Variants in ASAP1 observed in about 807,000 individuals in gnomAD.
ASAP1 encodes the protein arf-GAP with SH3 domain, ANK repeat and PH domain-containing protein 1.
ASAP1 carries 43 observed loss-of-function variants against 145.2 expected under a neutral mutation model. That is an observed-to-expected ratio of 0.30 (90% confidence interval 0.23 to 0.38). ASAP1 has a LOEUF of 0.38. Ranked by LOEUF, ASAP1 falls within the 10% of genes least tolerant of loss-of-function variation. ASAP1 has a pLI of 1.00. For synonymous variants in ASAP1, 546 were observed against 515.5 expected (o/e 1.06, Z -0.80); for missense variants, 1,018 against 1,355.3 (o/e 0.75, Z 3.91).
rs61591724 is a variant in ASAP1, at chr8:130,097,126, C to CAAAAA, written c.2402-4988_2402-4984dup. 5.3e-3 allele frequency among the ~76,000 whole-genome samples: 284 copies of CAAAAA among 53,550 alleles called. 27 individuals carry two copies. Among genetic ancestry groups the CAAAAA allele is most frequent in the South Asian group, 0.014 (15 of 1,070 alleles). The allele number at this position is 53,550 out of a possible 152,430, so 35.1% of individuals were successfully genotyped here. A position where few individuals can be genotyped will look rare whatever the true frequency, so the allele number is the denominator to read the frequency against. On this transcript the variant is annotated intron_variant, in intron 24 of 29. Coordinates refer to ENST00000518721, the MANE Select transcript of ASAP1 (RefSeq NM_018482.4). The stretch of plus-strand genomic sequence containing the variant: ...AGGAGACAGAGTGACAGTTAGTCTC[C>CAAAAA]AAAAAAAAAAAAAAAAAAAAAAAAA...
At chr8:130,398,571 C>G (rs1461503762) in intron 2 of ASAP1, among the ~76,000 whole-genome samples, 2 of 152,070 alleles carry the variant, frequency 1.3e-5, no homozygotes, top group East Asian at 3.8e-4. Context: ...GTAGTCATAT[C>G]AGAAGTGGCA....
chr8:130,330,729 G>C (rs1351877988), intron 3 of ASAP1, among the ~76,000 whole-genome samples: 1 of 152,304 alleles, frequency 6.6e-6, no homozygotes, highest in South Asian at 2.1e-4. Flanking sequence ...ATCTCTATGG[G>C]GAAAGGGACA....
intron 3 of ASAP1, among the ~76,000 whole-genome samples, chr8:130,252,358 AT>A (rs1275188119): frequency 6.6e-6 from 1 of 152,120 alleles, no homozygotes; most frequent in African/African-American, 2.4e-5. Context: ...AATTAAGAAA[AT>A]TTTTTCTTTT....
At chr8:130,384,767 AC>A (rs1462868692) in intron 2 of ASAP1, among the ~76,000 whole-genome samples, 1 of 152,108 alleles carries the variant, frequency 6.6e-6, no homozygotes, top group Non-Finnish European at 1.5e-5. Context: ...TGGGCAAGTT[AC>A]CCTGTCACAC....
intron 27 of ASAP1, among the ~76,000 whole-genome samples, chr8:130,072,824 T>TGTGCGTGCGCGC: frequency 3.1e-5 from 1 of 32,282 alleles, no homozygotes; most frequent in Non-Finnish European, 5.7e-5. Context: ...TGTGTGTGTG[T>TGTGCGTGCGCGC]GCGCGCGGGG....
In ASAP1 at chr8:130,358,948, G is replaced by A. The variant is rs2138165664; in HGVS notation, c.60-805C>T. Reference sequence around the variant, plus strand: ...GTTGTACGTGTTCTTTTTTAGTCGCGTGTGGGTGCAGGAAGTGAGGCCCCG... The same window carrying A: ...GTTGTACGTGTTCTTTTTTAGTCGCATGTGGGTGCAGGAAGTGAGGCCCCG... On this transcript the variant is annotated intron_variant, in intron 2 of 29. Transcript: ENST00000518721. This position sits in a 1 kb window ranked among gnomAD's most constrained non-coding sequence, Gnocchi z 4.1. Among the ~76,000 whole-genome samples, 1 of 152,190 alleles carries A rather than the reference G, an allele frequency of 6.6e-6. No homozygotes were observed. Among genetic ancestry groups the A allele is most frequent in the Middle Eastern group, 3.4e-3 (1 of 292 alleles).
intron 3 of ASAP1, among the ~76,000 whole-genome samples, chr8:130,353,095 T>C (rs779381425): frequency 1.5e-4 from 23 of 152,234 alleles, no homozygotes; most frequent in Non-Finnish European, 2.2e-4. Flanking sequence ...CTAGGATGAA[T>C]GTTCTATACT....
chr8:130,191,938 C>T (rs1266628497), intron 5 of ASAP1, among the ~76,000 whole-genome samples: 4 of 152,138 alleles, frequency 2.6e-5, no homozygotes, highest in African/African-American at 4.8e-5. Context: ...TTGAAATTCT[C>T]AGTCATTCTA....
At chr8:130,185,417 T>C (rs1386736857) in intron 7 of ASAP1, among the ~76,000 whole-genome samples, 1 of 152,184 alleles carries the variant, frequency 6.6e-6, no homozygotes, top group Non-Finnish European at 1.5e-5. Context: ...CAAATTTAGA[T>C]TGTAGAGGAC....
At chr8:130,264,533 C>T (rs1820127044) in intron 3 of ASAP1, among the ~76,000 whole-genome samples, 1 of 152,214 alleles carries the variant, frequency 6.6e-6, no homozygotes, top group African/African-American at 2.4e-5. Context: ...TGGAAGCCTA[C>T]TTTGTCTCTC....
intron 4 of ASAP1, among the ~76,000 whole-genome samples, chr8:130,221,357 T>TGAAA (rs1440544366): frequency 6.6e-6 from 1 of 152,190 alleles, no homozygotes; most frequent in African/African-American, 2.4e-5. Flanking sequence ...TCTCCCTTTG[T>TGAAA]GAAAGTGTTT....
chr8:130,162,408 G>A (rs760652596), intron 11 of ASAP1, among the ~76,000 whole-genome samples: 6 of 152,238 alleles, frequency 3.9e-5, no homozygotes, highest in Non-Finnish European at 8.8e-5. Flanking sequence ...CAAAGCAAGA[G>A]GCAGGGATTA....
chr8:130,413,458 G>A (rs1456412685), intron 1 of ASAP1, among the ~76,000 whole-genome samples: 1 of 152,134 alleles, frequency 6.6e-6, no homozygotes, highest in Non-Finnish European at 1.5e-5. Flanking sequence ...AAAATATAAT[G>A]TGGCAGAACT....
chr8:130,116,658 C>A lies in ASAP1; in HGVS notation c.2064+20G>T. ...AGGCAGCCAATGTCTAATAAATCTCCCACGTCCATTTTTGCTTACCAGATC... is the reference window on the plus strand; with the variant it reads ...AGGCAGCCAATGTCTAATAAATCTCACACGTCCATTTTTGCTTACCAGATC... On this transcript the variant is annotated intron_variant, in intron 22 of 29. Transcript: ENST00000518721. The A allele has an allele frequency of 6.2e-7, 1 of 1,609,004 alleles. No homozygotes were observed. Among genetic ancestry groups the A allele is most frequent in the Non-Finnish European group, 8.5e-7 (1 of 1,175,626 alleles).
chr8:130,316,078 T>C (rs1436155248), intron 3 of ASAP1, among the ~76,000 whole-genome samples: 1 of 152,182 alleles, frequency 6.6e-6, no homozygotes, highest in African/African-American at 2.4e-5. Context: ...TTAAAAGGTA[T>C]TCCCTTTCCT....
At chr8:130,400,682 T>A (rs1457392925) in intron 2 of ASAP1, among the ~76,000 whole-genome samples, 1 of 151,568 alleles carries the variant, frequency 6.6e-6, no homozygotes, top group Admixed American at 6.6e-5. Flanking sequence ...TCCCAGCTAC[T>A]TGGGAGGCTG....
chr8:130,124,426 C>A (rs1375490033), intron 17 of ASAP1, among the ~76,000 whole-genome samples: 2 of 152,170 alleles, frequency 1.3e-5, no homozygotes, highest in African/African-American at 4.8e-5. Flanking sequence ...GTTCTACACA[C>A]ATATAAACTA....
intron 15 of ASAP1, among the ~76,000 whole-genome samples, chr8:130,131,625 A>AAG (rs1448142039): frequency 6.7e-6 from 1 of 149,586 alleles, no homozygotes; most frequent in African/African-American, 2.5e-5. Context: ...AAAAAAAAAA[A>AAG]AAAAAGAAAT....
chr8:130,178,731 A>T (rs1814139002), intron 9 of ASAP1, among the ~76,000 whole-genome samples: 1 of 151,392 alleles, frequency 6.6e-6, no homozygotes, highest in African/African-American at 2.4e-5. Flanking sequence ...TAACAATACA[A>T]AAAAAAAATT....
Sources: allele counts gnomAD v4.1 joint callset (sites outside exome capture counted in the v4.1 genomes callset), GRCh38; gene constraint gnomAD v4.1.1; non-coding constraint Gnocchi (gnomAD v3.1); transcripts MANE v1.5; gene names NCBI Gene and HGNC (gene_info 2026-07-23, HGNC 2026-07-21).